Variants in NAV3 observed in about 807,000 individuals in gnomAD.
NAV3 encodes pore membrane and/or filament interacting like protein 1.
NAV3 carries 87 observed loss-of-function variants against 244.7 expected under a neutral mutation model. The observed-to-expected ratio is 0.36, with a 90% CI of 0.30 to 0.42. The LOEUF (loss-of-function observed/expected upper bound fraction) is 0.42. Ranked by LOEUF, NAV3 falls within the 20% of genes least tolerant of loss-of-function variation. The pLI, the probability that NAV3 is intolerant of heterozygous loss-of-function variation, is 1.00. For synonymous variants in NAV3, 1,126 were observed against 1,042.2 expected (o/e 1.08, Z -1.55); for missense variants, 2,663 against 2,893.3 (o/e 0.92, Z 1.83).
chr12:77,588,485 G>C (rs180824159), intron 2 of NAV3, among the ~76,000 whole-genome samples: 1 of 152,210 alleles, frequency 6.6e-6, no homozygotes. Flanking sequence ...CACTTAAATT[G>C]AGCTTCTTTT....
chr12:78,054,665 G>T (rs536760508), intron 11 of NAV3, among the ~76,000 whole-genome samples: 43 of 152,130 alleles, frequency 2.8e-4, no homozygotes, highest in Admixed American at 2.3e-3. Flanking sequence ...GATATGGGAA[G>T]CACTGCAAAG....
chr12:78,033,129 A>G (rs1319442690), intron 9 of NAV3, among the ~76,000 whole-genome samples: 1 of 152,200 alleles, frequency 6.6e-6, no homozygotes, highest in Non-Finnish European at 1.5e-5. Flanking sequence ...TAGGTTAACC[A>G]GAAGGATAAG....
chr12:77,691,333 G>GTACA (rs1214933751), intron 2 of NAV3, among the ~76,000 whole-genome samples: 6 of 100,944 alleles, frequency 5.9e-5, no homozygotes, highest in African/African-American at 2.3e-4. Context: ...ATTTGTGTAT[G>GTACA]TGTGTATATA....
Position 78,162,343 on chromosome 12 carries a change from T to G in NAV3, c.4869+3057T>G, listed in dbSNP as rs558886802. 2.0e-5 allele frequency among the ~76,000 whole-genome samples: 3 copies of G among 152,164 alleles called. No individual in the cohort carries two copies. In the East Asian group the frequency reaches 5.8e-4, roughly 30 times the overall value. ...TATTTAGTCATTCATCAAGTTTATA[T>G]TGAATTTGTGCTCTTCTAATGACAA... On this transcript the variant is annotated intron_variant, in intron 23 of 39. Transcript: ENST00000397909.
At chr12:77,977,712 G>GCGCGCACA (rs1349366739) in intron 5 of NAV3, among the ~76,000 whole-genome samples, 38 of 143,084 alleles carry the variant, frequency 2.7e-4, no homozygotes, top group South Asian at 6.7e-4. Context: ...ACACACACGC[G>GCGCGCACA]CACACACACA....
intron 2 of NAV3, among the ~76,000 whole-genome samples, chr12:77,670,182 C>G (rs1015565852): frequency 6.6e-6 from 1 of 151,956 alleles, no homozygotes; most frequent in East Asian, 1.9e-4. Context: ...CATGCATAAC[C>G]TAGAAAACCT....
At chr12:77,615,826 C>T (rs1387285861) in intron 2 of NAV3, among the ~76,000 whole-genome samples, 1 of 152,066 alleles carries the variant, frequency 6.6e-6, no homozygotes, top group East Asian at 1.9e-4. Context: ...TTTTCTTCTC[C>T]AATTGGTATA....
intron 2 of NAV3, among the ~76,000 whole-genome samples, chr12:77,579,930 G>A (rs978410581): frequency 1.3e-5 from 2 of 152,146 alleles, no homozygotes; most frequent in Non-Finnish European, 2.9e-5. Flanking sequence ...AGTTACAGCA[G>A]TTGAAACAGT....
chr12:77,831,467 T>G lies in NAV3; in HGVS notation c.6T>G (p.Pro2=). 1 of 1,601,892 alleles carries G rather than the reference T, an allele frequency of 6.2e-7. No individual in the cohort carries two copies. The highest frequency in any genetic ancestry group is 8.5e-7 in the Non-Finnish European group (1 of 1,175,848). M[P]VLGVASKLRQ... ...AAGATAATTTTATAGAAGCCATGCC[T>G]GTTCTTGGGGTTGCCTCAAAACTGA... The change falls in exon 1 of 40, where the codon CCT becomes CCG. Residue 2 remains proline, a synonymous_variant. Transcript: ENST00000397909.
At chr12:77,576,854 T>A (rs1271760978) in intron 2 of NAV3, among the ~76,000 whole-genome samples, 1 of 152,090 alleles carries the variant, frequency 6.6e-6, no homozygotes, top group African/African-American at 2.4e-5. Context: ...ATTATTTTTA[T>A]AAATCTACCT....
intron 12 of NAV3, among the ~76,000 whole-genome samples, chr12:78,083,248 T>C (rs1953453144): frequency 6.6e-6 from 1 of 152,116 alleles, no homozygotes; most frequent in South Asian, 2.1e-4. Flanking sequence ...ACTAGTCCAT[T>C]AACCCACTAA....
chr12:78,160,391 G>T (rs1957481326), intron 23 of NAV3, among the ~76,000 whole-genome samples: 1 of 85,564 alleles, frequency 1.2e-5, no homozygotes, highest in Non-Finnish European at 2.3e-5. Flanking sequence ...GTGTGTGTGT[G>T]TGTGTGTGCG....
chr12:77,619,296 T>C (rs1207383604), intron 2 of NAV3, among the ~76,000 whole-genome samples: 1 of 152,192 alleles, frequency 6.6e-6, no homozygotes, highest in African/African-American at 2.4e-5. Context: ...AAAAATAACT[T>C]ATGTCCATCA....
intron 8 of NAV3, 53 bp from the exon 9 acceptor site, chr12:78,021,694 A>G: frequency 3.4e-6 from 4 of 1,185,754 alleles, no homozygotes; most frequent in Non-Finnish European, 3.7e-6. Context: ...CACTTTGATG[A>G]GTGACTAGTG....
intron 6 of NAV3, among the ~76,000 whole-genome samples, chr12:77,995,229 ATGCATTAATTAT>A (rs1353918773): frequency 6.6e-6 from 1 of 152,178 alleles, no homozygotes; most frequent in African/African-American, 2.4e-5. Flanking sequence ...TGAGATGGGC[ATGCATTAATTAT>A]TGCACATTTT....
chr12:77,707,702 T>C (rs749824477), intron 2 of NAV3, among the ~76,000 whole-genome samples: 1 of 152,216 alleles, frequency 6.6e-6, no homozygotes, highest in East Asian at 1.9e-4. Flanking sequence ...TTCCTAATTC[T>C]CCACATCCTC....
intron 38 of NAV3, among the ~76,000 whole-genome samples, chr12:78,204,580 C>A (rs1396805963): frequency 6.6e-6 from 1 of 152,032 alleles, no homozygotes; most frequent in Admixed American, 6.6e-5. Flanking sequence ...TTAAAATCTT[C>A]CATAATTGAA....
chr12:77,935,854 A>G (rs1202559679), intron 1 of NAV3, among the ~76,000 whole-genome samples: 1 of 152,184 alleles, frequency 6.6e-6, no homozygotes, highest in Non-Finnish European at 1.5e-5. Context: ...AGAGAGAGCC[A>G]AGGGGGATGT....
intron 17 of NAV3, among the ~76,000 whole-genome samples, chr12:78,128,139 C>T (rs1486115838): frequency 1.3e-5 from 2 of 151,804 alleles, no homozygotes; most frequent in African/African-American, 2.4e-5. Flanking sequence ...AAATAGCTGG[C>T]AATTATTCCA....
Sources: gnomAD v4.1 joint callset for allele counts (sites outside exome capture counted in the v4.1 genomes callset) on GRCh38, gnomAD v4.1.1 for gene constraint, MANE v1.5 for transcripts, NCBI Gene and HGNC (gene_info 2026-07-23, HGNC 2026-07-21) for gene names.